EPHA6: variants seen among roughly 807,000 people sequenced by gnomAD.
EPHA6 encodes EPH receptor A6, also known as ephrin type-A receptor 6.
In EPHA6, 50 loss-of-function variants were observed where a neutral mutation model predicts 112.0. That is an observed-to-expected ratio of 0.45 (90% CI 0.36 to 0.56). The LOEUF is 0.56. EPHA6 is among the 20% of genes least tolerant of loss of function. The pLI is 0.00. For missense variants in EPHA6, 1,280 were observed against 1,417.4 expected (o/e 0.90, Z 1.56); for synonymous variants, 529 against 490.7 (o/e 1.08, Z -1.03).
intron 13 of EPHA6, among the ~76,000 whole-genome samples, chr3:97,631,038 G>T (rs759437530): frequency 6.6e-6 from 1 of 151,840 alleles, no homozygotes; most frequent in South Asian, 2.1e-4. Flanking sequence ...TGATTTATGC[G>T]AGTATGTGAC....
In EPHA6 at chr3:97,522,871, T is replaced by A. The variant is rs556408107; in HGVS notation, c.2201-9487T>A. Among the ~76,000 whole-genome samples, 6 of 152,276 alleles carry A rather than the reference T, an allele frequency of 3.9e-5. No individual in the cohort carries two copies. The East Asian group carries it at 1.2e-3, about 29-fold the overall frequency. On this transcript the variant is annotated intron_variant, in intron 10 of 17. Coordinates refer to ENST00000389672, the MANE Select transcript of EPHA6 (RefSeq NM_001080448.3). Reference sequence around the variant, plus strand: ...CTTATGATCCTTTGTGTTTCTGTGGTATCTGTTGGAATATCTCCTCTTTCA... The same window carrying A: ...CTTATGATCCTTTGTGTTTCTGTGGAATCTGTTGGAATATCTCCTCTTTCA...
At chr3:96,928,877 CT>C (rs2040173658) in intron 2 of EPHA6, among the ~76,000 whole-genome samples, 1 of 152,078 alleles carries the variant, frequency 6.6e-6, no homozygotes, top group Non-Finnish European at 1.5e-5. Flanking sequence ...ATGTAATACC[CT>C]TCTTTGTCTT....
intron 3 of EPHA6, among the ~76,000 whole-genome samples, chr3:97,189,634 T>C (rs1281233825): frequency 6.6e-6 from 1 of 152,114 alleles, no homozygotes; most frequent in African/African-American, 2.4e-5. Context: ...CTCACACTTT[T>C]CACCACAAGG....
At chr3:97,140,840 A>C (rs527540430) in intron 3 of EPHA6, among the ~76,000 whole-genome samples, 30 of 152,298 alleles carry the variant, frequency 2.0e-4, no homozygotes, top group South Asian at 4.1e-4. Flanking sequence ...ATTAACCTTG[A>C]AAATAAATGG....
intron 5 of EPHA6, among the ~76,000 whole-genome samples, chr3:97,279,902 T>C (rs920830631): frequency 6.6e-6 from 1 of 152,200 alleles, no homozygotes; most frequent in Non-Finnish European, 1.5e-5. Context: ...TTGTTTTTTT[T>C]GAGACAGAGT....
intron 2 of EPHA6, among the ~76,000 whole-genome samples, chr3:96,947,832 C>T (rs898547473): frequency 6.6e-6 from 1 of 152,162 alleles, no homozygotes; most frequent in Non-Finnish European, 1.5e-5. Context: ...CCCAAGGTAA[C>T]TTATAGATTC....
chr3:97,094,314 A>G (rs1322471034), intron 3 of EPHA6, among the ~76,000 whole-genome samples: 3 of 152,162 alleles, frequency 2.0e-5, no homozygotes, highest in African/African-American at 7.2e-5. Flanking sequence ...AGCAATAAAT[A>G]TTTCCAAACC....
chr3:97,241,252 T>C (rs2078837235), intron 4 of EPHA6, among the ~76,000 whole-genome samples: 2 of 151,870 alleles, frequency 1.3e-5, no homozygotes, highest in African/African-American at 4.8e-5. Context: ...TTTAGGTAGT[T>C]TATTATATGA....
At chr3:96,827,870 A>G (rs2033771053) in intron 1 of EPHA6, among the ~76,000 whole-genome samples, 1 of 152,162 alleles carries the variant, frequency 6.6e-6, no homozygotes, top group South Asian at 2.1e-4. Flanking sequence ...AAGAGAGAAT[A>G]TAAGAGAATT....
intron 3 of EPHA6, among the ~76,000 whole-genome samples, chr3:97,018,684 A>G (rs1395470192): frequency 1.3e-5 from 2 of 152,250 alleles, no homozygotes; most frequent in Non-Finnish European, 2.9e-5. Context: ...GACTAGGAGC[A>G]TGACCACTGA....
At chr3:96,868,159 C>CGTGT (rs753000378) in intron 2 of EPHA6, among the ~76,000 whole-genome samples, 22 of 142,164 alleles carry the variant, frequency 1.5e-4, no homozygotes, top group African/African-American at 5.8e-4. Context: ...TGTGTGTGTG[C>CGTGT]GTGTGTGTGT....
intron 3 of EPHA6, among the ~76,000 whole-genome samples, chr3:96,990,590 A>G (rs2043178333): frequency 6.6e-6 from 1 of 152,192 alleles, no homozygotes; most frequent in Non-Finnish European, 1.5e-5. Context: ...ACAAGCAAAC[A>G]TGCCTGATTC....
chr3:97,389,611 A>C (rs1357213319), intron 5 of EPHA6, among the ~76,000 whole-genome samples: 1 of 152,214 alleles, frequency 6.6e-6, no homozygotes, highest in Non-Finnish European at 1.5e-5. Context: ...GTTTAAAAAC[A>C]TTACATTGAA....
intron 10 of EPHA6, among the ~76,000 whole-genome samples, chr3:97,513,477 T>C (rs564743872): frequency 4.3e-4 from 66 of 152,278 alleles, no homozygotes; most frequent in African/African-American, 1.5e-3. Flanking sequence ...ATGTACACAA[T>C]AGAATACTAT....
At chr3:97,505,480 T>C (rs1047296516) in intron 10 of EPHA6, among the ~76,000 whole-genome samples, 2 of 152,092 alleles carry the variant, frequency 1.3e-5, no homozygotes, top group African/African-American at 2.4e-5. Context: ...AGAATGATGG[T>C]TTCCAGCTTC....
intron 3 of EPHA6, among the ~76,000 whole-genome samples, chr3:97,212,895 A>G (rs1024392405): frequency 8.5e-5 from 13 of 152,170 alleles, no homozygotes; most frequent in African/African-American, 3.1e-4. Context: ...CATGTGTCAA[A>G]ATAGCCACAT....
intron 3 of EPHA6, among the ~76,000 whole-genome samples, chr3:97,106,649 C>T (rs549729959): frequency 6.6e-6 from 1 of 152,178 alleles, no homozygotes; most frequent in Non-Finnish European, 1.5e-5. Flanking sequence ...ACAGAAAGCC[C>T]TCTGTCCTTG....
At chr3:97,324,067 C>T (rs2082248929) in intron 5 of EPHA6, among the ~76,000 whole-genome samples, 2 of 151,890 alleles carry the variant, frequency 1.3e-5, no homozygotes, top group South Asian at 4.1e-4. Context: ...ATTTCTAATC[C>T]TCTTCCAAAG....
chr3:97,170,823 T>C (rs1387140098), intron 3 of EPHA6, among the ~76,000 whole-genome samples: 1 of 152,142 alleles, frequency 6.6e-6, no homozygotes, highest in Non-Finnish European at 1.5e-5. Flanking sequence ...GTTATACATA[T>C]GCACTCTTCA....
Sources: allele counts gnomAD v4.1 joint callset (sites outside exome capture counted in the v4.1 genomes callset), GRCh38; gene constraint gnomAD v4.1.1; transcripts MANE v1.5; gene names NCBI Gene and HGNC (gene_info 2026-07-23, HGNC 2026-07-21).